The following ABHD18 variants were observed in gnomAD, a reference collection of about 807,000 sequenced individuals.
ABHD18 encodes the protein cardiolipin-specific deacylase, mitochondrial.
In ABHD18, 55 loss-of-function variants were observed where a neutral mutation model predicts 65.9. The ratio of observed to expected loss-of-function variants is 0.84; its 90% CI spans 0.67 to 1.05. The LOEUF (loss-of-function observed/expected upper bound fraction) is 1.05, where lower values mean the gene tolerates loss of function less well. Ranked by LOEUF, ABHD18 falls within the 50% of genes least tolerant of loss-of-function variation. The pLI is 0.00. For missense variants in ABHD18, 533 were observed against 558.5 expected, an observed-to-expected ratio of 0.95 and a Z score of 0.46; for synonymous variants, 181 against 180.2, an observed-to-expected ratio of 1.00 and a Z score of -0.04.
At chr4:128,016,264 A>T (rs1755477338) in intron 7 of ABHD18, among the ~76,000 whole-genome samples, 1 of 152,074 alleles carries the variant, frequency 6.6e-6, no homozygotes, top group Admixed American at 6.5e-5. Context: ...AATACTTTTT[A>T]TAAGGAAATA....
intron 12 of ABHD18, 181 bp downstream of exon 12, chr4:128,030,853 ATTTTCT>A: frequency 7.4e-7 from 1 of 1,357,452 alleles, no homozygotes; most frequent in Admixed American, 3.9e-5. Flanking sequence ...TGATCTTCTT[ATTTTCT>A]TCTAGAGAAC....
At chr4:128,003,088 G>A (rs937670971) in intron 4 of ABHD18, among the ~76,000 whole-genome samples, 2 of 151,958 alleles carry the variant, frequency 1.3e-5, no homozygotes, top group African/African-American at 4.8e-5. Context: ...ATTCAAATAA[G>A]CCGGGCACGG....
chr4:128,030,567 C>T lies in ABHD18; in HGVS notation c.1238C>T (p.Pro413Leu). 1 of 1,607,364 alleles carries T rather than the reference C, an allele frequency of 6.2e-7. No homozygotes were observed. Among genetic ancestry groups the T allele is most frequent in the Non-Finnish European group, 8.5e-7 (1 of 1,178,834 alleles). The change falls in exon 12 of 13, where the codon CCA (proline) becomes CTA (leucine). Residue 413 changes from proline (P) to leucine (L), a missense_variant. By Grantham distance (98) the Pro-to-Leu change is moderately conservative. Coordinates refer to ENST00000645843, the MANE Select transcript of ABHD18 (RefSeq NM_001358451.3). Reference protein sequence around the residue: ...VVQAKEDAYIPRTGVRSLQEI... With the variant: ...VVQAKEDAYILRTGVRSLQEI... The stretch of plus-strand genomic sequence containing the variant: ...CAAGCCAAAGAAGATGCCTATATTC[C>T]ACGAACAGGAGTTCGAAGTTTACAA...
chr4:127,990,760 T>A (rs1442997998), intron 4 of ABHD18, among the ~76,000 whole-genome samples: 2 of 152,256 alleles, frequency 1.3e-5, no homozygotes, highest in East Asian at 1.9e-4. Flanking sequence ...TAAATAGATG[T>A]TCCGAAATAC....
intron 12 of ABHD18, among the ~76,000 whole-genome samples, chr4:128,034,207 T>C (rs1215158524): frequency 6.6e-6 from 1 of 152,050 alleles, no homozygotes; most frequent in Non-Finnish European, 1.5e-5. Context: ...TCCGCCCTCC[T>C]TGGCCTTCCA....
intron 10 of ABHD18, among the ~76,000 whole-genome samples, chr4:128,024,539 A>T (rs1432180120): frequency 6.6e-6 from 1 of 152,198 alleles, no homozygotes; most frequent in Non-Finnish European, 1.5e-5. Flanking sequence ...CCAGTCAAAA[A>T]AAAAGTTCAA....
At position 128,008,958 on chromosome 4, in the gene ABHD18, A is replaced by G. The variant is rs867186579; in HGVS notation, c.317A>G (p.Tyr106Cys). The G allele has an allele frequency of 1.2e-6, 2 of 1,611,320 alleles. No individual in the cohort carries two copies. Among genetic ancestry groups the G allele is most frequent in the African/African-American group, 1.3e-5 (1 of 74,894 alleles). ...FIVPKEWNSKYRPVCIHLAGT... is the reference protein window; with the variant it reads ...FIVPKEWNSKCRPVCIHLAGT... Reference sequence around the variant, plus strand: ...GTGCCTAAAGAATGGAACAGCAAATATAGACCTGTATGCATTCATCTTGCT... The same window carrying G: ...GTGCCTAAAGAATGGAACAGCAAATGTAGACCTGTATGCATTCATCTTGCT... Residue 106 changes from tyrosine to cysteine, a missense_variant, in exon 5 of 13, where the codon TAT (tyrosine) becomes TGT (cysteine). Physicochemically the swap from Tyr to Cys is radical, Grantham distance 194. Transcript: ENST00000645843.
intron 10 of ABHD18, among the ~76,000 whole-genome samples, chr4:128,022,804 C>T (rs1756726534): frequency 6.7e-6 from 1 of 150,064 alleles, no homozygotes. Flanking sequence ...TGCTGTGTCG[C>T]CCAGGCTGGA....
At chr4:127,982,170 AAAAAT>A (rs148340443) in intron 1 of ABHD18, among the ~76,000 whole-genome samples, 2,187 of 152,324 alleles carry the variant, frequency 0.014, 62 homozygotes, top group African/African-American at 0.05. Context: ...AGATCTGAGA[AAAAAT>A]AAAAAACAAT....
intron 11 of ABHD18, 78 bp from the exon 12 acceptor site, chr4:128,030,432 T>C (rs1758036972): frequency 1.0e-6 from 1 of 989,628 alleles, no homozygotes; most frequent in Non-Finnish European, 1.4e-6. Context: ...GTTTGACGAA[T>C]GTTTTATTTA....
In ABHD18 at chr4:128,023,403, C is replaced by CAAAA. The variant is rs59549849; in HGVS notation, c.801+2193_801+2196dup. 7.1e-4 allele frequency among the ~76,000 whole-genome samples: 32 copies of CAAAA among 44,966 alleles called. 1 individual carries two copies. The highest frequency in any genetic ancestry group is 9.1e-4 in the Admixed American group (2 of 2,194). 29.5% of individuals were successfully genotyped at this position (44,966 alleles called of 152,430 possible). ...AAATAAAGTGAGACTCTTGTCTCTA[C>CAAAA]AAAAAAAAAAAAAAAAAAAAAAAAA... On this transcript the variant is annotated intron_variant, in intron 10 of 12. Transcript: ENST00000645843.
rs114166816 is a variant in ABHD18, at chr4:128,030,742, A to G, written c.1343+70A>G. 19,644 of 1,520,570 alleles carry G rather than the reference A, an allele frequency of 0.013. 152 individuals are homozygous for G. The highest frequency in any genetic ancestry group is 0.015 in the Non-Finnish European group (17,067 of 1,143,560). 94.2% of individuals were successfully genotyped at this position (1,520,570 alleles called of 1,614,324 possible). On this transcript the variant is annotated intron_variant, in intron 12 of 12. Transcript: ENST00000645843. ...TTTTCTGGATTTTTTGCTTCAACAA[A>G]TGTAAAAGATCACATATTTTTATAG...
intron 7 of ABHD18, among the ~76,000 whole-genome samples, chr4:128,016,678 G>C (rs911758980): frequency 5.9e-5 from 9 of 151,592 alleles, no homozygotes; most frequent in South Asian, 4.2e-4. Flanking sequence ...AGGAGACTGA[G>C]ACAGGAGAAT....
Position 128,017,382 on chromosome 4 carries a change from G to C in ABHD18, c.490G>C (p.Val164Leu). Residue 164 changes from valine (V) to leucine (L), a missense_variant, in exon 8 of 13, where the codon GTG (valine) becomes CTG (leucine). Coordinates refer to ENST00000645843, the MANE Select transcript of ABHD18 (RefSeq NM_001358451.3). ...KDQVRSSLKN[V>L]SDLFVMGGAL... The stretch of plus-strand genomic sequence containing the variant: ...GGCTAGAAGGTCCAGCTTAAAAAAT[G>C]TGTCCGACCTTTTTGTGATGGGAGG... 1 of 1,613,690 alleles carries C rather than the reference G, an allele frequency of 6.2e-7. No individual in the cohort carries two copies. Among genetic ancestry groups the C allele is most frequent in the Non-Finnish European group, 8.5e-7 (1 of 1,179,768 alleles).
At chr4:128,007,911 A>C (rs921224287) in intron 4 of ABHD18, among the ~76,000 whole-genome samples, 7 of 152,168 alleles carry the variant, frequency 4.6e-5, no homozygotes, top group Admixed American at 4.6e-4. Flanking sequence ...ATATATCAAC[A>C]GCTTGTACAG....
intron 1 of ABHD18, among the ~76,000 whole-genome samples, chr4:127,966,816 C>T (rs1171412922): frequency 2.2e-5 from 3 of 137,720 alleles, no homozygotes; most frequent in Non-Finnish European, 4.6e-5. Flanking sequence ...ACCCGGGAGG[C>T]GGAGGCTGCA....
intron 8 of ABHD18, among the ~76,000 whole-genome samples, chr4:128,018,165 C>G (rs1225323796): frequency 6.6e-6 from 1 of 152,190 alleles, no homozygotes; most frequent in Non-Finnish European, 1.5e-5. Flanking sequence ...CCAGACTATA[C>G]TTCAAACTCT....
chr4:128,017,331 T>C, intron 7 of ABHD18, 32 bp from the exon 8 acceptor site: 1 of 1,602,654 alleles, frequency 6.2e-7, no homozygotes, highest in African/African-American at 1.3e-5. Context: ...ATACATAAAA[T>C]AATCATTTTC....
At chr4:127,987,944 A>C (rs1378091041) in intron 3 of ABHD18, among the ~76,000 whole-genome samples, 1 of 152,130 alleles carries the variant, frequency 6.6e-6, no homozygotes, top group East Asian at 1.9e-4. Context: ...GAGTACAATC[A>C]GATCAGGAAT....
Sources: gnomAD v4.1 joint callset for allele counts (sites outside exome capture counted in the v4.1 genomes callset) on GRCh38, gnomAD v4.1.1 for gene constraint, MANE v1.5 for transcripts, NCBI Gene and HGNC (gene_info 2026-07-23, HGNC 2026-07-21) for gene names.